The following PRPF6 variants were observed in gnomAD, a reference collection of about 807,000 sequenced individuals.
PRPF6 encodes pre-mRNA-processing factor 6.
In PRPF6, 42 loss-of-function variants were observed where a neutral mutation model predicts 118.3. The observed-to-expected ratio is 0.35, with a 90% CI of 0.28 to 0.46. The LOEUF (loss-of-function observed/expected upper bound fraction) is 0.46. Among genes scored for constraint, PRPF6 ranks in the 20% least tolerant of loss-of-function variants. The probability of loss-of-function intolerance (pLI) is 1.00; values close to 1 mark genes in which losing one functional copy is unlikely to be tolerated. For missense variants in PRPF6, 662 were observed against 1,255.7 expected (o/e 0.53, Z 7.15); for synonymous variants, 481 against 485.1 (o/e 0.99, Z 0.11).
chr20:64,003,931 CA>C (rs1020102858), intron 9 of PRPF6, among the ~76,000 whole-genome samples: 1 of 152,184 alleles, frequency 6.6e-6, no homozygotes, highest in African/African-American at 2.4e-5. Context: ...TGGCCAGGAA[CA>C]GAAAGTTAGC....
chr20:64,010,704 T>C (rs2427590), intron 10 of PRPF6, among the ~76,000 whole-genome samples: 38,140 of 152,176 alleles, frequency 0.25, 5,925 homozygotes, highest in African/African-American at 0.43. Flanking sequence ...TCTTTGCCTC[T>C]AAGCTAAGTG....
Position 64,027,395 on chromosome 20 carries a change from A to C in PRPF6, c.2206-208A>C, listed in dbSNP as rs1277515106. Among the ~76,000 whole-genome samples, 6 of 152,136 alleles carry C rather than the reference A, an allele frequency of 3.9e-5. No homozygotes were observed. Among genetic ancestry groups the C allele is most frequent in the African/African-American group, 1.2e-4 (5 of 41,430 alleles). Reference sequence around the variant, plus strand: ...GCAGAGTGTGGCACACCTGCAGTAAAGGCTGGTACGTACAGACCTGTGTGC... The same window carrying C: ...GCAGAGTGTGGCACACCTGCAGTAACGGCTGGTACGTACAGACCTGTGTGC... On this transcript the variant is annotated intron_variant, in intron 16 of 20. Coordinates refer to ENST00000266079, the MANE Select transcript of PRPF6 (RefSeq NM_012469.4). This position sits in a 1 kb window ranked among gnomAD's most constrained non-coding sequence, Gnocchi z 6.5.
rs867962390 is a variant in PRPF6, at chr20:64,031,991, C to T, written c.2620C>T (p.Leu874=). 3.7e-6 allele frequency: 6 copies of T among 1,614,162 alleles called. No homozygotes were observed. In the African/African-American group the frequency reaches 6.7e-5, roughly 18 times the overall value. Residue 874 remains leucine, a synonymous_variant, in exon 20 of 21, where the codon CTG becomes TTG. Transcript: ENST00000266079. The stretch of plus-strand genomic sequence containing the variant: ...CCGCACTGTGAAGATTGACTCGGAC[C>T]TGGGGGATGCCTGGGCCTTCTTCTA... ...FHRTVKIDSD[L]GDAWAFFYKF...
intron 1 of PRPF6, among the ~76,000 whole-genome samples, chr20:63,982,333 G>A (rs112153599): frequency 5.3e-5 from 8 of 152,030 alleles, no homozygotes; most frequent in African/African-American, 7.2e-5. Flanking sequence ...TACCACGCCC[G>A]GCTAATTTTT....
chr20:64,014,982 G>A (rs2059230778), intron 11 of PRPF6, among the ~76,000 whole-genome samples: 3 of 152,138 alleles, frequency 2.0e-5, no homozygotes. Flanking sequence ...TGTTTTCAGG[G>A]TTCCTCCATG....
intron 1 of PRPF6, among the ~76,000 whole-genome samples, chr20:63,981,906 C>T (rs1330563282): frequency 6.6e-6 from 1 of 151,944 alleles, no homozygotes; most frequent in East Asian, 1.9e-4. Flanking sequence ...GAACCCAGTG[C>T]TTAATGGAGA....
chr20:64,028,683 C>G lies in PRPF6; in HGVS notation c.2431+114C>G. On this transcript the variant is annotated intron_variant, in intron 18 of 20. Coordinates refer to ENST00000266079, the MANE Select transcript of PRPF6 (RefSeq NM_012469.4). The surrounding 1 kb of genome is among the most constrained non-coding windows in gnomAD (Gnocchi z 6.5). ...CCCAGACTCCGCAGGGCTGGCACTT[C>G]CTGAGGGAGTGGGGGCTCAGGCTTC... 2 of 1,138,240 alleles carry G rather than the reference C, an allele frequency of 1.8e-6. No individual in the cohort carries two copies. The allele number at this position is 1,138,240 out of a possible 1,614,324, so 70.5% of individuals were successfully genotyped here.
chr20:64,020,482 G>A (rs2059257731), intron 12 of PRPF6, among the ~76,000 whole-genome samples: 1 of 152,212 alleles, frequency 6.6e-6, no homozygotes, highest in African/African-American at 2.4e-5. Context: ...GTGAGGCTGA[G>A]TGGGAACAGG....
chr20:64,008,142 C>A (rs2059198902), intron 9 of PRPF6, among the ~76,000 whole-genome samples: 1 of 152,194 alleles, frequency 6.6e-6, no homozygotes, highest in Non-Finnish European at 1.5e-5. Flanking sequence ...GCTGTCATGT[C>A]AGTACCTGCA....
chr20:64,031,857 C>T (rs2059316139), intron 19 of PRPF6, 61 bp from the exon 20 acceptor site: 1 of 1,612,766 alleles, frequency 6.2e-7, no homozygotes. Context: ...AGCCGTTCCC[C>T]TGCCCCAGAA....
chr20:63,982,883 GAGA>G (rs1279878542), intron 1 of PRPF6, among the ~76,000 whole-genome samples, 161 bp from the exon 2 acceptor site: 5 of 152,220 alleles, frequency 3.3e-5, no homozygotes, highest in Non-Finnish European at 7.3e-5. Flanking sequence ...CAGGTAAGCA[GAGA>G]AGATCAGAAG....
intron 3 of PRPF6, among the ~76,000 whole-genome samples, chr20:63,986,816 A>G (rs993334049): frequency 6.6e-6 from 1 of 151,792 alleles, no homozygotes; most frequent in Non-Finnish European, 1.5e-5. Context: ...CTGAAAATGC[A>G]TTTGATAAGA....
intron 20 of PRPF6, 64 bp downstream of exon 20, chr20:64,032,108 C>T (rs1009207835): frequency 2.5e-6 from 4 of 1,609,186 alleles, no homozygotes; most frequent in East Asian, 2.2e-5. Flanking sequence ...GTTCCGCCAG[C>T]CCTGGGGGCT....
intron 9 of PRPF6, among the ~76,000 whole-genome samples, chr20:64,009,855 C>A (rs537389748): frequency 6.6e-6 from 1 of 152,220 alleles, no homozygotes; most frequent in Non-Finnish European, 1.5e-5. Context: ...TCTTTTCAGA[C>A]GTCACATAAA....
chr20:63,984,864 TTGA>T, intron 2 of PRPF6, 40 bp from the exon 3 acceptor site: 1 of 1,396,028 alleles, frequency 7.2e-7, no homozygotes, highest in Non-Finnish European at 1.0e-6. Flanking sequence ...GGGGATGGTG[TTGA>T]AGGAAAAGCT....
intron 2 of PRPF6, among the ~76,000 whole-genome samples, chr20:63,983,602 T>A (rs1355632126): frequency 1.3e-5 from 2 of 151,452 alleles, no homozygotes; most frequent in African/African-American, 2.4e-5. Context: ...TCGGAAGAGA[T>A]GTTCTTGCAG....
At chr20:63,981,391 C>T (rs1445271798) in intron 1 of PRPF6, 75 bp downstream of exon 1, 7 of 1,417,726 alleles carry the variant, frequency 4.9e-6, no homozygotes, top group African/African-American at 4.3e-5. Flanking sequence ...TGTTTGGGGG[C>T]GGGGGTCTAT....
At position 64,010,335 on chromosome 20, in the gene PRPF6, C is replaced by T. The variant is rs1188692049; in HGVS notation, c.1305+17C>T. 5.0e-6 allele frequency: 8 copies of T among 1,600,624 alleles called. No individual in the cohort carries two copies. The highest frequency in any genetic ancestry group is 1.1e-5 in the South Asian group (1 of 90,912). Reference sequence around the variant, plus strand: ...AGCGTGGAGGTGAGTCTGGCGGGCTCAGGGCCACCAGAGCCCAAAGTGGCC... The same window carrying T: ...AGCGTGGAGGTGAGTCTGGCGGGCTTAGGGCCACCAGAGCCCAAAGTGGCC... On this transcript the variant is annotated intron_variant, in intron 10 of 20. Coordinates refer to ENST00000266079, the MANE Select transcript of PRPF6 (RefSeq NM_012469.4).
At chr20:64,030,702 T>C (rs532204242) in intron 19 of PRPF6, among the ~76,000 whole-genome samples, 1 of 152,398 alleles carries the variant, frequency 6.6e-6, no homozygotes, top group East Asian at 1.9e-4. Flanking sequence ...CACTCCTTGC[T>C]ATTCCCAAGC....
Sources: allele counts gnomAD v4.1 joint callset (sites outside exome capture counted in the v4.1 genomes callset), GRCh38; gene constraint gnomAD v4.1.1; non-coding constraint Gnocchi (gnomAD v3.1); transcripts MANE v1.5; gene names NCBI Gene and HGNC (gene_info 2026-07-23, HGNC 2026-07-21).